Variants in AAGAB observed in about 807,000 individuals in gnomAD.
The protein encoded by AAGAB is alpha and gamma adaptin binding protein, also known as alpha- and gamma-adaptin-binding protein p34.
In AAGAB, 38 loss-of-function variants were observed where a neutral mutation model predicts 44.1. The observed-to-expected ratio is 0.86, with a 90% CI of 0.67 to 1.13. The LOEUF (loss-of-function observed/expected upper bound fraction) is 1.13, where lower values mean the gene tolerates loss of function less well. AAGAB is among the 50% of genes most tolerant of loss of function. The pLI, the probability that AAGAB is intolerant of heterozygous loss-of-function variation, is 0.00. For missense variants in AAGAB, 450 were observed against 373.8 expected (o/e 1.20, Z -1.68); for synonymous variants, 131 against 131.8 (o/e 0.99, Z 0.04).
At chr15:67,249,819 T>A (rs1400961158) in intron 1 of AAGAB, among the ~76,000 whole-genome samples, 3 of 152,232 alleles carry the variant, frequency 2.0e-5, no homozygotes, top group Non-Finnish European at 4.4e-5. Context: ...CATTTAGTAT[T>A]TCCAAAGCAC....
At chr15:67,222,242 GCACACA>G (rs370826027) in intron 5 of AAGAB, among the ~76,000 whole-genome samples, 166 of 90,120 alleles carry the variant, frequency 1.8e-3, no homozygotes, top group Admixed American at 2.7e-3. Flanking sequence ...GCGCGCGCGC[GCACACA>G]CACACACACA....
At position 67,200,700 on chromosome 15, in the gene AAGAB, A is replaced by G. The variant is rs539190429; in HGVS notation, c.*2121T>C. ...AATTCCAGCTGGCAATTCTGTAACA[A>G]CTTGTGGTAGCATGAACATAGGTCA... On this transcript the variant is annotated 3_prime_UTR_variant, in exon 10 of 10. Transcript: ENST00000261880. 6.6e-6 allele frequency among the ~76,000 whole-genome samples: 1 copy of G among 152,340 alleles called. No homozygotes were observed. The highest frequency in any genetic ancestry group is 2.4e-5 in the African/African-American group (1 of 41,566).
At chr15:67,229,614 G>A (rs1019480161) in intron 5 of AAGAB, among the ~76,000 whole-genome samples, 27 of 151,808 alleles carry the variant, frequency 1.8e-4, no homozygotes, top group African/African-American at 5.6e-4. Flanking sequence ...ATGGAGAGAG[G>A]GGAAGAAAAG....
chr15:67,236,022 A>G lies in AAGAB; in HGVS notation c.408T>C (p.Phe136=), dbSNP rs34376980. 1,912 of 1,613,676 alleles carry G rather than the reference A, an allele frequency of 1.2e-3. 21 individuals are homozygous for G. The African/African-American group carries it at 0.021, about 17-fold the overall frequency. The change falls in exon 4 of 10, where the codon TTT becomes TTC. Residue 136 remains phenylalanine, a synonymous_variant. Transcript: ENST00000261880. ...CCTCTGGACTAAGTTCTACCAATTC[A>G]AAGCCATGTTTGATGCACCATTCTT... ...KAQEWCIKHG[F]ELVELSPEEL...
intron 7 of AAGAB, among the ~76,000 whole-genome samples, chr15:67,205,162 T>C (rs1282778894): frequency 6.6e-6 from 1 of 152,238 alleles, no homozygotes; most frequent in Non-Finnish European, 1.5e-5. Context: ...TGAACCCAGC[T>C]GTACAGGACT....
intron 5 of AAGAB, among the ~76,000 whole-genome samples, chr15:67,230,811 T>TG (rs1358227593): frequency 2.0e-5 from 3 of 152,152 alleles, no homozygotes; most frequent in Non-Finnish European, 2.9e-5. Flanking sequence ...ACCTCACTCT[T>TG]GAACTGCTGC....
chr15:67,245,608 G>T (rs1388494838), intron 1 of AAGAB, among the ~76,000 whole-genome samples: 1 of 152,144 alleles, frequency 6.6e-6, no homozygotes, highest in Non-Finnish European at 1.5e-5. Flanking sequence ...CAGGCAGATT[G>T]TATACTACTT....
chr15:67,235,303 T>A (rs1478574650), intron 4 of AAGAB, among the ~76,000 whole-genome samples: 1 of 152,224 alleles, frequency 6.6e-6, no homozygotes, highest in African/African-American at 2.4e-5. Flanking sequence ...TTCCACTTGG[T>A]AATTCAATTA....
chr15:67,254,636 G>T lies in AAGAB; in HGVS notation c.-5C>A, dbSNP rs1480065996. On this transcript the variant is annotated 5_prime_UTR_variant, in exon 1 of 10. Coordinates refer to ENST00000261880, the MANE Select transcript of AAGAB (RefSeq NM_024666.5). ...ACAGGGTACGCCAGCAGCCATAGCT[G>T]CGCTCGCGAGCCGGTTCCGTCAGGC... is the stretch of plus-strand genomic sequence containing the variant. 2 of 1,585,416 alleles carry T rather than the reference G, an allele frequency of 1.3e-6. No homozygotes were observed. The highest frequency in any genetic ancestry group is 2.7e-5 in the African/African-American group (2 of 74,190).
upstream of AAGAB, chr15:67,254,910 C>G (rs1965062755): frequency 6.2e-6 from 10 of 1,613,756 alleles, no homozygotes; most frequent in African/African-American, 1.3e-5. Flanking sequence ...GCACAGAACA[C>G]TGAAAACCAC....
chr15:67,254,598 T>TG lies in AAGAB; in HGVS notation c.33dup (p.Ser12GlnfsTer29). 2 of 1,609,556 alleles carry TG rather than the reference T, an allele frequency of 1.2e-6. No homozygotes were observed. Among genetic ancestry groups the TG allele is most frequent in the Non-Finnish European group, 1.7e-6 (2 of 1,179,002 alleles). ...TCTCCTGAGAAGACGGAGGAGCAGC[T>TG]GGTGACTAACGCACAGGGTACGCCA... On this transcript the variant is annotated frameshift_variant, in exon 1 of 10. Coordinates refer to ENST00000261880, the MANE Select transcript of AAGAB (RefSeq NM_024666.5). LOFTEE classifies it high-confidence loss of function.
At chr15:67,224,183 T>C (rs1270342889) in intron 5 of AAGAB, among the ~76,000 whole-genome samples, 1 of 152,234 alleles carries the variant, frequency 6.6e-6, no homozygotes, top group Non-Finnish European at 1.5e-5. Flanking sequence ...TTCACTGATA[T>C]ATCCCAAACA....
intron 1 of AAGAB, among the ~76,000 whole-genome samples, chr15:67,251,556 T>C (rs927718285): frequency 2.6e-5 from 4 of 152,210 alleles, no homozygotes; most frequent in African/African-American, 9.6e-5. Context: ...GCATTTGGAC[T>C]GTTTTAAGAA....
At chr15:67,210,868 C>G (rs534114235) in intron 5 of AAGAB, among the ~76,000 whole-genome samples, 27 of 152,132 alleles carry the variant, frequency 1.8e-4, no homozygotes, top group African/African-American at 6.3e-4. Flanking sequence ...AGACTGTAAC[C>G]CAAGAGTAAC....
chr15:67,252,910 G>A (rs1011853551), intron 1 of AAGAB, among the ~76,000 whole-genome samples: 2 of 152,178 alleles, frequency 1.3e-5, no homozygotes, highest in African/African-American at 4.8e-5. Context: ...ATTATACAAT[G>A]CTTTACAGTT....
At chr15:67,254,856 A>G (rs764498221), upstream of AAGAB, 10 of 1,602,648 alleles carry the variant, frequency 6.2e-6, no homozygotes, top group Middle Eastern at 1.6e-4. Flanking sequence ...CCGTGCTTGG[A>G]AACCGCGCCT....
At position 67,209,468 on chromosome 15, in the gene AAGAB, G is replaced by A. The variant is rs755937432; in HGVS notation, c.612C>T (p.His204=). The A allele has an allele frequency of 3.7e-6, 6 of 1,613,746 alleles. No individual in the cohort carries two copies. The Admixed American group carries it at 1.0e-4, about 27-fold the overall frequency. The stretch of plus-strand genomic sequence containing the variant: ...ATCCAAGAAAAACCTTTACCTCTGG[G>A]TGACAGGGATCTGCTGACCCAATGC... The part of the protein sequence containing the change: ...NHSIGSADPC[H]PEQPHLPAAD... The change falls in exon 6 of 10, where the codon CAC becomes CAT. Residue 204 remains histidine, a synonymous_variant. Coordinates refer to ENST00000261880, the MANE Select transcript of AAGAB (RefSeq NM_024666.5).
chr15:67,221,216 C>A (rs919049083), intron 5 of AAGAB: 1 of 152,166 alleles, frequency 6.6e-6, no homozygotes, highest in Admixed American at 6.5e-5. Flanking sequence ...GAAAAAGAGT[C>A]ATCAAAATGA....
chr15:67,209,346 A>G, intron 6 of AAGAB, 116 bp downstream of exon 6: 1 of 920,358 alleles, frequency 1.1e-6, no homozygotes, highest in Admixed American at 2.0e-5. Context: ...TCTATTTTTA[A>G]CATTCTCTGT....
Sources: allele counts gnomAD v4.1 joint callset (sites outside exome capture counted in the v4.1 genomes callset), GRCh38; gene constraint gnomAD v4.1.1; transcripts MANE v1.5; gene names NCBI Gene and HGNC (gene_info 2026-07-23, HGNC 2026-07-21).